The following UBE2E2 variants were observed in gnomAD, a reference collection of about 807,000 sequenced individuals.
UBE2E2 encodes the protein ubiquitin-conjugating enzyme E2 E2.
A neutral mutation model predicts 24.7 loss-of-function variants in UBE2E2; 6 were observed. That is an observed-to-expected ratio of 0.24 (90% CI 0.13 to 0.48). The LOEUF is 0.48. Ranked by LOEUF, UBE2E2 falls within the 20% of genes least tolerant of loss-of-function variation. The pLI is 0.99. For missense variants in UBE2E2, 169 were observed against 245.0 expected, an observed-to-expected ratio of 0.69 and a Z score of 2.07; for synonymous variants, 104 against 83.6, an observed-to-expected ratio of 1.24 and a Z score of -1.33.
At chr3:23,375,547 T>C (rs1696501092) in intron 3 of UBE2E2, among the ~76,000 whole-genome samples, 1 of 152,180 alleles carries the variant, frequency 6.6e-6, no homozygotes, top group Non-Finnish European at 1.5e-5. Flanking sequence ...GTGAGTGATA[T>C]GTTGTGGTTA....
intron 3 of UBE2E2, among the ~76,000 whole-genome samples, chr3:23,287,771 C>G (rs1252618110): frequency 7.4e-6 from 1 of 135,280 alleles, no homozygotes; most frequent in Non-Finnish European, 1.7e-5. Context: ...TAATGTCTCT[C>G]TCTTTTTTTT....
chr3:23,559,127 C>G (rs1214801276), intron 5 of UBE2E2, among the ~76,000 whole-genome samples: 2 of 152,080 alleles, frequency 1.3e-5, no homozygotes, highest in South Asian at 2.1e-4. Context: ...TAAAAATAAC[C>G]AGCTAATGAA....
chr3:23,301,774 G>C (rs969603640), intron 3 of UBE2E2, among the ~76,000 whole-genome samples: 3 of 149,768 alleles, frequency 2.0e-5, no homozygotes, highest in South Asian at 4.2e-4. Flanking sequence ...CAGATCTCCA[G>C]CTGCGTGCTG....
chr3:23,582,897 T>TGTATGTTGC (rs1267423037), intron 5 of UBE2E2, among the ~76,000 whole-genome samples: 2 of 111,258 alleles, frequency 1.8e-5, no homozygotes, highest in Non-Finnish European at 3.7e-5. Flanking sequence ...GTGTGTGTTG[T>TGTATGTTGC]GTGTTTGTTT....
At chr3:23,393,158 T>C (rs547308967) in intron 3 of UBE2E2, among the ~76,000 whole-genome samples, 1 of 150,942 alleles carries the variant, frequency 6.6e-6, no homozygotes, top group East Asian at 1.9e-4. Flanking sequence ...TAAAAGATGA[T>C]AGCTTGGACT....
At chr3:23,517,062 C>T (rs17013393) in intron 4 of UBE2E2, among the ~76,000 whole-genome samples, 4,390 of 152,094 alleles carry the variant, frequency 0.029, 108 homozygotes, top group East Asian at 0.13. Context: ...GTGCATTCTT[C>T]TAATATTGTC....
intron 5 of UBE2E2, among the ~76,000 whole-genome samples, chr3:23,537,885 A>G (rs1031730576): frequency 5.3e-5 from 8 of 152,192 alleles, no homozygotes; most frequent in Non-Finnish European, 1.0e-4. Flanking sequence ...CAGCACATTT[A>G]TATTTGTGTA....
At chr3:23,442,028 G>T (rs1698317945) in intron 3 of UBE2E2, among the ~76,000 whole-genome samples, 1 of 152,086 alleles carries the variant, frequency 6.6e-6, no homozygotes, top group African/African-American at 2.4e-5. Flanking sequence ...TTTTAGTTCT[G>T]TGACTTTTAT....
intron 3 of UBE2E2, among the ~76,000 whole-genome samples, chr3:23,410,430 A>G (rs1369902529): frequency 6.6e-6 from 1 of 152,166 alleles, no homozygotes. Flanking sequence ...TTGAGAGTAA[A>G]GATAGAGTGA....
At chr3:23,551,716 C>A (rs773886251) in intron 5 of UBE2E2, among the ~76,000 whole-genome samples, 1 of 152,112 alleles carries the variant, frequency 6.6e-6, no homozygotes, top group Non-Finnish European at 1.5e-5. Flanking sequence ...GGATGACTGA[C>A]TAGAGGGCCT....
intron 3 of UBE2E2, among the ~76,000 whole-genome samples, chr3:23,226,612 A>G (rs1051911411): frequency 3.9e-5 from 6 of 152,200 alleles, no homozygotes; most frequent in Admixed American, 3.9e-4. Flanking sequence ...GTAAAAGGAA[A>G]TAGGGATGGC....
intron 5 of UBE2E2, among the ~76,000 whole-genome samples, chr3:23,551,375 G>C (rs1695639527): frequency 6.6e-6 from 1 of 152,180 alleles, no homozygotes; most frequent in South Asian, 2.1e-4. Flanking sequence ...AATGCTTTAA[G>C]AATTGACCAG....
intron 3 of UBE2E2, among the ~76,000 whole-genome samples, chr3:23,218,794 G>A (rs571866439): frequency 3.0e-4 from 45 of 151,882 alleles, no homozygotes; most frequent in Middle Eastern, 3.4e-3. Context: ...AGATAAATGG[G>A]GAAAGGAACT....
At chr3:23,368,073 A>G (rs1696307769) in intron 3 of UBE2E2, among the ~76,000 whole-genome samples, 1 of 151,964 alleles carries the variant, frequency 6.6e-6, no homozygotes, top group African/African-American at 2.4e-5. Context: ...TAGCATTTTC[A>G]TTTTGTGATG....
intron 4 of UBE2E2, among the ~76,000 whole-genome samples, chr3:23,520,328 G>A (rs1382892931): frequency 6.6e-6 from 1 of 152,062 alleles, no homozygotes; most frequent in Non-Finnish European, 1.5e-5. Flanking sequence ...AGTCACCTAG[G>A]ACAGTGCGTG....
intron 5 of UBE2E2, among the ~76,000 whole-genome samples, chr3:23,548,374 A>G (rs28412415): frequency 0.01 from 1,535 of 152,228 alleles, 19 homozygotes; most frequent in African/African-American, 0.033. Context: ...TATAAAAACA[A>G]TTTATCTATT....
In UBE2E2 at chr3:23,267,123, C is replaced by T. The variant is rs560002301; in HGVS notation, c.227+49811C>T. On this transcript the variant is annotated intron_variant, in intron 3 of 5. Coordinates refer to ENST00000396703, the MANE Select transcript of UBE2E2 (RefSeq NM_152653.4). ...AGCAGGAAAGATCCAAAATTGACAC[C>T]CTAACGTCACAATTAAAAGAACTAG... 1.5e-3 allele frequency among the ~76,000 whole-genome samples: 234 copies of T among 151,462 alleles called. 1 individual carries two copies. Among genetic ancestry groups the T allele is most frequent in the African/African-American group, 5.5e-3 (227 of 41,220 alleles).
At chr3:23,247,168 C>T (rs1232903069) in intron 3 of UBE2E2, among the ~76,000 whole-genome samples, 1 of 151,798 alleles carries the variant, frequency 6.6e-6, no homozygotes, top group African/African-American at 2.4e-5. Flanking sequence ...AAAGCCAGTT[C>T]CTAAATAATA....
Position 23,468,881 on chromosome 3 carries a change from G to A in UBE2E2, c.228-30727G>A, listed in dbSNP as rs774072976. The stretch of plus-strand genomic sequence containing the variant: ...GGATTAATTAGAACTTGTGTGTGTC[G>A]ATGCCTGGTATATTGTGGGCATATA... On this transcript the variant is annotated intron_variant, in intron 3 of 5. Transcript: ENST00000396703. 5.3e-5 allele frequency among the ~76,000 whole-genome samples: 8 copies of A among 152,214 alleles called. No individual in the cohort carries two copies. The South Asian group carries it at 1.0e-3, about 20-fold the overall frequency.
Sources: gnomAD v4.1 joint callset for allele counts (sites outside exome capture counted in the v4.1 genomes callset) on GRCh38, gnomAD v4.1.1 for gene constraint, MANE v1.5 for transcripts, NCBI Gene and HGNC (gene_info 2026-07-23, HGNC 2026-07-21) for gene names.